The following PLPPR4 variants were observed in gnomAD, a reference collection of about 807,000 sequenced individuals.
The protein encoded by PLPPR4 is phospholipid phosphatase-related protein type 4.
PLPPR4 carries 24 observed loss-of-function variants against 56.6 expected under a neutral mutation model. That is an observed-to-expected ratio of 0.42 (90% CI 0.31 to 0.60). PLPPR4 has a LOEUF of 0.60. PLPPR4 is among the 20% of genes least tolerant of loss of function. The probability of loss-of-function intolerance (pLI) is 0.13; values close to 1 mark genes in which losing one functional copy is unlikely to be tolerated. For missense variants in PLPPR4, 654 were observed against 885.8 expected, an observed-to-expected ratio of 0.74 and a Z score of 3.32; for synonymous variants, 326 against 328.1, an observed-to-expected ratio of 0.99 and a Z score of 0.07.
At chr1:99,285,596 C>G (rs1211700173) in intron 1 of PLPPR4, among the ~76,000 whole-genome samples, 1 of 152,048 alleles carries the variant, frequency 6.6e-6, no homozygotes, top group Non-Finnish European at 1.5e-5. Flanking sequence ...AAAGATTATG[C>G]AAGTTTACTC....
At chr1:99,296,710 C>T in intron 2 of PLPPR4, 28 bp from the exon 3 acceptor site, 10 of 1,548,072 alleles carry the variant, frequency 6.5e-6, no homozygotes, top group Non-Finnish European at 8.8e-6. Flanking sequence ...CAACATGCCT[C>T]TTCCTGAATA....
chr1:99,285,762 A>G (rs1026470816), intron 1 of PLPPR4, among the ~76,000 whole-genome samples: 2 of 152,180 alleles, frequency 1.3e-5, no homozygotes, highest in Admixed American at 6.5e-5. Flanking sequence ...GGTAGCTAAT[A>G]TTGTCTTTAT....
At chr1:99,284,086 C>T (rs1659404063) in intron 1 of PLPPR4, among the ~76,000 whole-genome samples, 1 of 152,156 alleles carries the variant, frequency 6.6e-6, no homozygotes, top group Non-Finnish European at 1.5e-5. Flanking sequence ...TTTTCAAAAT[C>T]TCATTTTAAA....
intron 2 of PLPPR4, among the ~76,000 whole-genome samples, chr1:99,292,273 A>T (rs372145096): frequency 6.0e-4 from 91 of 152,280 alleles, no homozygotes; most frequent in African/African-American, 2.1e-3. Context: ...ACACTGGTAC[A>T]TGTCCTGGGG....
chr1:99,278,369 T>G (rs1659244987), intron 1 of PLPPR4, among the ~76,000 whole-genome samples: 1 of 152,154 alleles, frequency 6.6e-6, no homozygotes, highest in Admixed American at 6.6e-5. Flanking sequence ...AAAAAGGTGT[T>G]GTGAAGATTG....
intron 1 of PLPPR4, among the ~76,000 whole-genome samples, chr1:99,282,330 C>G (rs1377167419): frequency 6.6e-6 from 1 of 152,128 alleles, no homozygotes; most frequent in East Asian, 1.9e-4. Flanking sequence ...TTCTTTGTAT[C>G]TCCAGTACTA....
chr1:99,264,773 G>C, intron 1 of PLPPR4, 102 bp downstream of exon 1: 2 of 1,290,124 alleles, frequency 1.6e-6, no homozygotes, highest in Non-Finnish European at 2.2e-6. Flanking sequence ...CCTGCCGGGC[G>C]CGCGCGGCTG....
chr1:99,301,055 A>T (rs931065254), intron 5 of PLPPR4, 89 bp downstream of exon 5: 7 of 1,144,230 alleles, frequency 6.1e-6, no homozygotes, highest in Non-Finnish European at 5.3e-6. Flanking sequence ...TGGATGATAT[A>T]ACCATGTAAT....
At chr1:99,303,862 G>A (rs1239609247) in intron 6 of PLPPR4, among the ~76,000 whole-genome samples, 5 of 152,174 alleles carry the variant, frequency 3.3e-5, no homozygotes, top group African/African-American at 4.8e-5. Context: ...GGGAGTGTTA[G>A]TTGGCAATGT....
rs1248575776 is a variant in PLPPR4, at chr1:99,306,303, G to T, written c.1441G>T (p.Gly481Trp). ...AAGAGTGTCCATTCAGTCCCGTCCT[G>T]GGTCCTCACAGTTGGTGCACATCCC... ...GPRVSIQSRPGSSQLVHIPEE... is the reference protein window; with the variant it reads ...GPRVSIQSRPWSSQLVHIPEE... The change falls in exon 7 of 7, where the codon GGG (glycine) becomes TGG (tryptophan). Residue 481 changes from glycine (G) to tryptophan (W), a missense_variant. By Grantham distance (184) the Gly-to-Trp change is radical. Transcript: ENST00000370185. This position sits in a 1 kb window ranked among gnomAD's most constrained non-coding sequence, Gnocchi z 4.0. The T allele has an allele frequency of 6.2e-7, 1 of 1,614,132 alleles. No homozygotes were observed. Among genetic ancestry groups the T allele is most frequent in the South Asian group, 1.1e-5 (1 of 91,080 alleles).
In PLPPR4 at chr1:99,309,234, C is replaced by T. The variant is rs1660125413; in HGVS notation, c.*2224C>T. The T allele has an allele frequency of 6.6e-6, 1 of 152,330 alleles. No homozygotes were observed. Among genetic ancestry groups the T allele is most frequent in the Non-Finnish European group, 1.5e-5 (1 of 67,940 alleles). The allele number at this position is 152,330 out of a possible 1,614,324, so 9.4% of individuals were successfully genotyped here. A position where few individuals can be genotyped will look rare whatever the true frequency, so the allele number is the denominator to read the frequency against. ...ATTACAAAAAAATTTGTTTACATTC[C>T]ACTGGTACCTTAATTTAAAATAAAT... On this transcript the variant is annotated 3_prime_UTR_variant, in exon 7 of 7. Coordinates refer to ENST00000370185, the MANE Select transcript of PLPPR4 (RefSeq NM_014839.5).
At position 99,264,585 on chromosome 1, in the gene PLPPR4, G is replaced by A. The variant is rs151186240; in HGVS notation, c.-9G>A. ...CGGGGGAGGACGCAGACCCGGGCAG[G>A]CGGCAGGGATGTCGGCGAAGGAGAG... On this transcript the variant is annotated 5_prime_UTR_variant, in exon 1 of 7. Transcript: ENST00000370185. 3.3e-5 allele frequency: 51 copies of A among 1,550,904 alleles called. 1 individual carries two copies. In the Admixed American group the frequency reaches 4.1e-4, roughly 13 times the overall value.
chr1:99,299,197 C>A lies in PLPPR4; in HGVS notation c.557C>A (p.Ser186Ter). The change falls in exon 4 of 7, where the codon TCA (serine) becomes TAA (stop). Residue 186 changes from serine (S) to a stop codon, truncating the protein, a stop_gained. Transcript: ENST00000370185. LOFTEE classifies it high-confidence loss of function. Reference sequence around the variant, plus strand: ...TCCTACATTGTGGAAGATATTTGCTCAGGATCTGACCTCACAGTTATCAAC... The same window carrying A: ...TCCTACATTGTGGAAGATATTTGCTAAGGATCTGACCTCACAGTTATCAAC... Reference protein sequence around the residue: ...ENSYIVEDICSGSDLTVINSG... With the variant: ...ENSYIVEDIC 6.2e-7 allele frequency: 1 copy of A among 1,613,230 alleles called. No homozygotes were observed. The highest frequency in any genetic ancestry group is 1.1e-5 in the South Asian group (1 of 91,032).
chr1:99,305,132 C>T lies in PLPPR4; in HGVS notation c.823-553C>T, dbSNP rs569908166. 2.0e-5 allele frequency among the ~76,000 whole-genome samples: 3 copies of T among 152,264 alleles called. No individual in the cohort carries two copies. In the South Asian group the frequency reaches 6.2e-4, roughly 32 times the overall value. On this transcript the variant is annotated intron_variant, in intron 6 of 6. Coordinates refer to ENST00000370185, the MANE Select transcript of PLPPR4 (RefSeq NM_014839.5). ...TTTTGCCCTGTCTTCCAAGAACACC[C>T]TGTACAATGCTGAACACACAAGGCT...
At position 99,306,441 on chromosome 1, in the gene PLPPR4, C is replaced by T; in HGVS notation, c.1579C>T (p.Arg527Ter). Residue 527 changes from arginine to a stop codon, truncating the protein, a stop_gained, in exon 7 of 7, where the codon CGA becomes TGA. Coordinates refer to ENST00000370185, the MANE Select transcript of PLPPR4 (RefSeq NM_014839.5). LOFTEE classifies it high-confidence loss of function. The surrounding 1 kb of genome is among the most constrained non-coding windows in gnomAD (Gnocchi z 4.0). ...VACNRSNSQP[R>*]IMQVIAMSKQ... ...CTGTAACAGAAGCAACAGCCAGCCC[C>T]GAATCATGCAAGTCATAGCCATGTC... The T allele has an allele frequency of 6.2e-7, 1 of 1,614,134 alleles. No individual in the cohort carries two copies. Among genetic ancestry groups the T allele is most frequent in the Non-Finnish European group, 8.5e-7 (1 of 1,180,014 alleles).
chr1:99,267,525 C>T (rs543655963), intron 1 of PLPPR4, among the ~76,000 whole-genome samples: 2 of 152,170 alleles, frequency 1.3e-5, no homozygotes, highest in Non-Finnish European at 2.9e-5. Context: ...TGTATTCATA[C>T]ATAAGAGAAA....
At chr1:99,280,698 C>T (rs2100792250) in intron 1 of PLPPR4, among the ~76,000 whole-genome samples, 1 of 152,268 alleles carries the variant, frequency 6.6e-6, no homozygotes, top group South Asian at 2.1e-4. Flanking sequence ...AAAAAAATTA[C>T]ATGATCTCAA....
At chr1:99,291,676 G>T (rs765775815) in intron 2 of PLPPR4, among the ~76,000 whole-genome samples, 6 of 152,154 alleles carry the variant, frequency 3.9e-5, no homozygotes, top group Non-Finnish European at 7.3e-5. Context: ...CACAGGAACA[G>T]AAAACCAAAC....
chr1:99,305,529 T>G (rs1352915557), intron 6 of PLPPR4, among the ~76,000 whole-genome samples, 156 bp from the exon 7 acceptor site: 1 of 152,200 alleles, frequency 6.6e-6, no homozygotes, highest in Non-Finnish European at 1.5e-5. Flanking sequence ...ACAAAGTATT[T>G]CCCTGCAAAA....
Sources: allele counts gnomAD v4.1 joint callset (sites outside exome capture counted in the v4.1 genomes callset), GRCh38; gene constraint gnomAD v4.1.1; non-coding constraint Gnocchi (gnomAD v3.1); transcripts MANE v1.5; gene names NCBI Gene and HGNC (gene_info 2026-07-23, HGNC 2026-07-21).